The following PMPCB variants were observed in gnomAD, a reference collection of about 807,000 sequenced individuals.
PMPCB encodes mitochondrial-processing peptidase subunit beta.
Under a neutral mutation model 61.5 loss-of-function variants are expected in PMPCB, and 46 were observed. The observed-to-expected ratio is 0.75, with a 90% CI of 0.59 to 0.96. PMPCB has a LOEUF of 0.96. Ranked by LOEUF, PMPCB falls within the 40% of genes least tolerant of loss-of-function variation. The probability of loss-of-function intolerance (pLI) is 0.00; values close to 1 mark genes in which losing one functional copy is unlikely to be tolerated. For synonymous variants in PMPCB, 191 were observed against 201.6 expected (o/e 0.95, Z 0.44); for missense variants, 590 against 602.4 (o/e 0.98, Z 0.22).
chr7:103,339,835 T>A, the PMPCB span, among the ~76,000 whole-genome samples: 1 of 151,666 alleles, frequency 6.6e-6, no homozygotes. Flanking sequence ...CACAGGTGAC[T>A]CTTCCCACGC....
chr7:103,312,637 C>G lies in PMPCB; in HGVS notation c.*366C>G. 1 of 1,613,196 alleles carries G rather than the reference C, an allele frequency of 6.2e-7. No individual in the cohort carries two copies. On this transcript the variant is annotated 3_prime_UTR_variant, in exon 13 of 13. Transcript: ENST00000249269. ...GCTTTCTTTGCTTTTACCATCTCGACAAGTTCCTAGGAAGGGAGAAAGGTG... is the reference window on the plus strand; with the variant it reads ...GCTTTCTTTGCTTTTACCATCTCGAGAAGTTCCTAGGAAGGGAGAAAGGTG...
downstream of PMPCB, chr7:103,315,861 T>A (rs1818022782): frequency 6.2e-7 from 1 of 1,611,490 alleles, no homozygotes; most frequent in South Asian, 1.1e-5. Flanking sequence ...TGTCATCTTT[T>A]TGATGAGGGT....
chr7:103,338,672 G>C, the PMPCB span, among the ~76,000 whole-genome samples: 2 of 151,972 alleles, frequency 1.3e-5, no homozygotes, highest in Non-Finnish European at 2.9e-5. Flanking sequence ...AGTGCTTTGG[G>C]AGGCTGAGGT....
chr7:103,314,290 C>CA lies in PMPCB; in HGVS notation c.*2019_*2020insA. The CA allele has an allele frequency of 3.6e-5, 35 of 985,368 alleles. No homozygotes were observed. Among genetic ancestry groups the CA allele is most frequent in the Non-Finnish European group, 4.2e-5 (35 of 829,890 alleles). The allele number at this position is 985,368 out of a possible 1,614,324, so 61.0% of individuals were successfully genotyped here. A position where few individuals can be genotyped will look rare whatever the true frequency, so the allele number is the denominator to read the frequency against. ...CTTCACAATACCAAAATAAATTAAA[C>CA]GTACTGTTGCAAAACTCCTATGAGA... is the stretch of plus-strand genomic sequence containing the variant. On this transcript the variant is annotated 3_prime_UTR_variant, in exon 13 of 13. Transcript: ENST00000249269.
downstream of PMPCB, among the ~76,000 whole-genome samples, chr7:103,333,647 C>T (rs1377155464): frequency 6.6e-6 from 1 of 152,148 alleles, no homozygotes; most frequent in Non-Finnish European, 1.5e-5. Flanking sequence ...TCCCTTGTAC[C>T]CTTTTCCACT....
intron 6 of PMPCB, among the ~76,000 whole-genome samples, chr7:103,305,810 T>C (rs1817560323): frequency 6.6e-6 from 1 of 152,206 alleles, no homozygotes; most frequent in Admixed American, 6.5e-5. Context: ...ACATTGTTTC[T>C]AAATTGGCTC....
chr7:103,304,081 G>T lies in PMPCB; in HGVS notation c.656+41G>T, dbSNP rs1563446443. 2.9e-6 allele frequency: 4 copies of T among 1,368,240 alleles called. No individual in the cohort carries two copies. The Admixed American group carries it at 6.0e-5, about 21-fold the overall frequency. The allele number at this position is 1,368,240 out of a possible 1,614,324, so 84.8% of individuals were successfully genotyped here. ...TTTCTTGGTGTATAAGGGAATTTAT[G>T]AATGTTGAAAATAAACATTTACAAA... On this transcript the variant is annotated intron_variant, in intron 5 of 12. Coordinates refer to ENST00000249269, the MANE Select transcript of PMPCB (RefSeq NM_004279.3).
chr7:103,337,874 G>A, the PMPCB span: 1 of 1,197,544 alleles, frequency 8.4e-7, no homozygotes, highest in Non-Finnish European at 1.2e-6. Context: ...CATCCCTTGT[G>A]TTCTGGTACC....
chr7:103,299,349 C>G, intron 2 of PMPCB, 94 bp from the exon 3 acceptor site: 3 of 701,462 alleles, frequency 4.3e-6, no homozygotes, highest in Admixed American at 5.6e-5. Context: ...GTGTTAAGAC[C>G]AGAAAGCATT....
chr7:103,337,543 A>G, the PMPCB span: 1 of 538,032 alleles, frequency 1.9e-6, no homozygotes, highest in Non-Finnish European at 3.3e-6. Flanking sequence ...GAAAGTCTAT[A>G]TGTAAAATGG....
intron 12 of PMPCB, among the ~76,000 whole-genome samples, chr7:103,323,168 G>C (rs1818514026): frequency 6.6e-6 from 1 of 152,172 alleles, no homozygotes; most frequent in East Asian, 1.9e-4. Context: ...GACCTCAGGT[G>C]ATCTGCCCGC....
Position 103,304,510 on chromosome 7 carries a change from T to C in PMPCB, c.736+20T>C, listed in dbSNP as rs779456411. 4 of 1,506,802 alleles carry C rather than the reference T, an allele frequency of 2.7e-6. No individual in the cohort carries two copies. The highest frequency in any genetic ancestry group is 1.7e-5 in the Admixed American group (1 of 59,798). 93.3% of individuals were successfully genotyped at this position (1,506,802 alleles called of 1,614,324 possible). ...CTGGAGGTTAGTCAATTTAAATTTC[T>C]ACAAATGTTTTAAACACAGTTGTTG... On this transcript the variant is annotated intron_variant, in intron 6 of 12. Coordinates refer to ENST00000249269, the MANE Select transcript of PMPCB (RefSeq NM_004279.3).
At chr7:103,326,454 C>CTATT (rs1563465706) in intron 12 of PMPCB, 1 of 1,292,086 alleles carries the variant, frequency 7.7e-7, no homozygotes, top group African/African-American at 1.5e-5. Flanking sequence ...ATAAATGAAA[C>CTATT]TATTATCAGA....
At chr7:103,338,900 A>G in the PMPCB span, among the ~76,000 whole-genome samples, 3 of 152,158 alleles carry the variant, frequency 2.0e-5, no homozygotes, top group Non-Finnish European at 4.4e-5. Flanking sequence ...ACAGAGTGAG[A>G]CTCCGTCTCA....
In PMPCB at chr7:103,312,589, C is replaced by T; in HGVS notation, c.*318C>T. 16 of 1,613,202 alleles carry T rather than the reference C, an allele frequency of 9.9e-6. 1 individual carries two copies. The South Asian group carries it at 1.5e-4, about 16-fold the overall frequency. ...GATTGTCATTTCTTGGCTCTACTTG[C>T]ATTCAGCACTTGTTCTTGAGCAGCT... is the stretch of plus-strand genomic sequence containing the variant. On this transcript the variant is annotated 3_prime_UTR_variant, in exon 13 of 13. Transcript: ENST00000249269.
At position 103,307,657 on chromosome 7, in the gene PMPCB, A is replaced by G; in HGVS notation, c.798A>G (p.Thr266=). 1.9e-6 allele frequency: 3 copies of G among 1,613,746 alleles called. No homozygotes were observed. The highest frequency in any genetic ancestry group is 1.3e-5 in the African/African-American group (1 of 75,068). ...TTCATTTCGGTGACTCTTTATGCACACACAAAGGAGAAATACCAGCTCTGC... is the reference window on the plus strand; with the variant it reads ...TTCATTTCGGTGACTCTTTATGCACGCACAAAGGAGAAATACCAGCTCTGC... ...AKFHFGDSLC[T]HKGEIPALPP... The change falls in exon 7 of 13, where the codon ACA becomes ACG. Residue 266 remains threonine, a synonymous_variant. Transcript: ENST00000249269.
At chr7:103,342,036 TAAAATC>T in the PMPCB span, 4 of 1,167,478 alleles carry the variant, frequency 3.4e-6, no homozygotes, top group Non-Finnish European at 4.7e-6. Context: ...TTTCAGGAAA[TAAAATC>T]AAAACAGTGA....
At chr7:103,321,416 G>T (rs775771293) in intron 12 of PMPCB, among the ~76,000 whole-genome samples, 1 of 151,988 alleles carries the variant, frequency 6.6e-6, no homozygotes, top group African/African-American at 2.4e-5. Flanking sequence ...TACTCAGGAG[G>T]CTGAGGCAGG....
At chr7:103,323,721 T>G in intron 12 of PMPCB, 2 of 1,226,704 alleles carry the variant, frequency 1.6e-6, no homozygotes, top group Non-Finnish European at 2.2e-6. Context: ...AAAATTCTTT[T>G]TAATGCAAGT....
Sources: gnomAD v4.1 joint callset for allele counts (sites outside exome capture counted in the v4.1 genomes callset) on GRCh38, gnomAD v4.1.1 for gene constraint, MANE v1.5 for transcripts, NCBI Gene and HGNC (gene_info 2026-07-23, HGNC 2026-07-21) for gene names.